ABAT: variants seen among roughly 807,000 people sequenced by gnomAD.
ABAT encodes the protein 4-aminobutyrate aminotransferase, also known as 4-aminobutyrate aminotransferase, mitochondrial.
Under a neutral mutation model 64.6 loss-of-function variants are expected in ABAT, and 45 were observed. The observed-to-expected ratio is 0.70, with a 90% CI of 0.55 to 0.89. The LOEUF (loss-of-function observed/expected upper bound fraction) is 0.89, where lower values mean the gene tolerates loss of function less well. Among genes scored for constraint, ABAT ranks in the 40% least tolerant of loss-of-function variants. ABAT has a pLI of 0.00. For synonymous variants in ABAT, 297 were observed against 250.5 expected, an observed-to-expected ratio of 1.19 and a Z score of -1.75; for missense variants, 633 against 658.4, an observed-to-expected ratio of 0.96 and a Z score of 0.42.
At chr16:8,757,105 G>C in intron 5 of ABAT, 2 of 453,320 alleles carry the variant, frequency 4.4e-6, no homozygotes, top group Non-Finnish European at 8.9e-6. Context: ...TCCAGCACTA[G>C]GGCCTGTTGA....
At chr16:8,710,690 G>GAC (rs2058046797) in intron 1 of ABAT, among the ~76,000 whole-genome samples, 2 of 90,902 alleles carry the variant, frequency 2.2e-5, no homozygotes, top group Non-Finnish European at 4.7e-5. Context: ...CACTGAGAGA[G>GAC]AGACAGAGAG....
Position 8,772,784 on chromosome 16 carries a change from A to C in ABAT, c.821A>C (p.Glu274Ala). Residue 274 changes from glutamate (E) to alanine (A), a missense_variant, in exon 12 of 16, where the codon GAG (glutamate) becomes GCG (alanine). Physicochemically the swap from Glu to Ala is moderately radical, Grantham distance 107 (BLOSUM62 -1). Transcript: ENST00000268251. ...QEEARCLEEV[E>A]DLIVKYRKKK... The stretch of plus-strand genomic sequence containing the variant: ...ACTTTCCCCTTTGGGATCCAGGTGG[A>C]GGATCTGATTGTGAAATATCGGAAA... The C allele has an allele frequency of 6.2e-7, 1 of 1,614,096 alleles. No individual in the cohort carries two copies. Among genetic ancestry groups the C allele is most frequent in the Non-Finnish European group, 8.5e-7 (1 of 1,180,024 alleles).
rs71301327 is a variant in ABAT at position 8,750,943 on chromosome 16, C to CTTTTTTTTT, written c.316+418_316+426dup. Among the ~76,000 whole-genome samples the CTTTTTTTTT allele has an allele frequency of 2.7e-5, 3 of 109,742 alleles. 1 individual carries two copies. In the Admixed American group the frequency reaches 3.1e-4, roughly 11 times the overall value. 72.0% of individuals were successfully genotyped at this position (109,742 alleles called of 152,430 possible). ...GAGGTGGGGATTTCCTTTTTCCCTG[C>CTTTTTTTTT]TTTTTTTTTTTTTTTTTTTTTTCCA... On this transcript the variant is annotated intron_variant, in intron 5 of 15. Coordinates refer to ENST00000268251, the MANE Select transcript of ABAT (RefSeq NM_020686.6).
In ABAT at chr16:8,766,258, C is replaced by T. The variant is rs2142947151; in HGVS notation, c.591C>T (p.Cys197=). The T allele has an allele frequency of 4.3e-6, 7 of 1,614,040 alleles. No homozygotes were observed. The highest frequency in any genetic ancestry group is 5.9e-6 in the Non-Finnish European group (7 of 1,179,930). The part of the protein sequence containing the change: ...RGFSQEELET[C]MINQAPGCPD... ...TCTCCCAGGAGGAGCTGGAGACGTG[C>T]ATGATTAACCAGGTGAGTGCAGCTG... The change falls in exon 9 of 16, where the codon TGC becomes TGT. Residue 197 remains cysteine (C), a synonymous_variant. Coordinates refer to ENST00000268251, the MANE Select transcript of ABAT (RefSeq NM_020686.6).
intron 3 of ABAT, among the ~76,000 whole-genome samples, chr16:8,747,878 G>T (rs573973830): frequency 2.6e-5 from 4 of 151,724 alleles, no homozygotes; most frequent in Admixed American, 6.6e-5. Flanking sequence ...TATCTTTCAG[G>T]TGGCTGAATT....
intron 4 of ABAT, among the ~76,000 whole-genome samples, chr16:8,749,859 G>A (rs1444359688): frequency 7.2e-5 from 11 of 152,004 alleles, no homozygotes; most frequent in African/African-American, 9.7e-5. Flanking sequence ...GATCACAGGC[G>A]TGCACCACCA....
intron 14 of ABAT, among the ~76,000 whole-genome samples, chr16:8,777,621 A>G (rs546757590): frequency 6.6e-6 from 1 of 152,294 alleles, no homozygotes; most frequent in Admixed American, 6.5e-5. Context: ...AGGGGTGTCT[A>G]AATGGAAGAG....
At chr16:8,766,904 G>A (rs1437382480) in intron 9 of ABAT, among the ~76,000 whole-genome samples, 1 of 152,006 alleles carries the variant, frequency 6.6e-6, no homozygotes, top group Non-Finnish European at 1.5e-5. Context: ...GACGGGCGCG[G>A]AGGTTGCAGT....
intron 1 of ABAT, among the ~76,000 whole-genome samples, chr16:8,692,452 G>A (rs879914668): frequency 7.2e-5 from 11 of 152,330 alleles, no homozygotes; most frequent in Non-Finnish European, 1.2e-4. Flanking sequence ...ACATGGCTAA[G>A]AAGGAGGCAG....
At chr16:8,732,196 GTTTTT>G (rs746087281) in intron 1 of ABAT, among the ~76,000 whole-genome samples, 1 of 18,718 alleles carries the variant, frequency 5.3e-5, no homozygotes, top group Non-Finnish European at 1.7e-4. Context: ...GGTTTTTTTT[GTTTTT>G]TTTTTTTGTT....
chr16:8,679,971 T>C (rs1418260044), intron 1 of ABAT, among the ~76,000 whole-genome samples: 3 of 152,038 alleles, frequency 2.0e-5, no homozygotes, highest in African/African-American at 4.8e-5. Flanking sequence ...GATGGCATCA[T>C]GTGGCCTCTA....
intron 1 of ABAT, among the ~76,000 whole-genome samples, chr16:8,693,132 G>A (rs991323807): frequency 2.0e-5 from 3 of 152,260 alleles, no homozygotes; most frequent in Non-Finnish European, 4.4e-5. Context: ...TGGGATTACA[G>A]GCTTGAGCCA....
chr16:8,724,731 GAAAAAAAAAAAAAACA>G (rs2058485282), intron 1 of ABAT, among the ~76,000 whole-genome samples: 51 of 73,202 alleles, frequency 7.0e-4, no homozygotes, highest in Admixed American at 1.4e-3. Flanking sequence ...CTTGTCTCAG[GAAAAAAAAAAAAAACA>G]AAAAAAAAAA....
chr16:8,728,068 C>CAGAGAGAGAG (rs112812315), intron 1 of ABAT, among the ~76,000 whole-genome samples: 1 of 150,476 alleles, frequency 6.6e-6, no homozygotes, highest in Non-Finnish European at 1.5e-5. Context: ...GAGACCCTGT[C>CAGAGAGAGAG]AGAGAGAGAG....
At position 8,781,293 on chromosome 16, in the gene ABAT, C is replaced by G; in HGVS notation, c.1382-16C>G. 1 of 1,613,992 alleles carries G rather than the reference C, an allele frequency of 6.2e-7. No individual in the cohort carries two copies. The highest frequency in any genetic ancestry group is 8.5e-7 in the Non-Finnish European group (1 of 1,179,954). On this transcript the variant is annotated splice_polypyrimidine_tract_variant and intron_variant, in intron 15 of 15. Transcript: ENST00000268251. The surrounding 1 kb of genome is among the most constrained non-coding windows in gnomAD (Gnocchi z 4.5). ...TTGAGAAACCACGCTCCTCACCTACCTCCTGCCTCTTTCAGGTGTGGTGTT... is the reference window on the plus strand; with the variant it reads ...TTGAGAAACCACGCTCCTCACCTACGTCCTGCCTCTTTCAGGTGTGGTGTT...
intron 1 of ABAT, among the ~76,000 whole-genome samples, chr16:8,725,345 A>AC (rs1277469553): frequency 1.3e-5 from 2 of 151,292 alleles, no homozygotes; most frequent in African/African-American, 2.4e-5. Flanking sequence ...CACCCCGGAG[A>AC]CCCCCGTACC....
intron 3 of ABAT, among the ~76,000 whole-genome samples, chr16:8,747,655 T>A (rs1022484776): frequency 6.6e-6 from 1 of 152,216 alleles, no homozygotes; most frequent in Admixed American, 6.5e-5. Flanking sequence ...TAATTCCCTG[T>A]TTCTGTATAG....
intron 12 of ABAT, 57 bp downstream of exon 12, chr16:8,772,974 C>A: frequency 6.2e-7 from 1 of 1,609,624 alleles, no homozygotes; most frequent in Non-Finnish European, 8.5e-7. Context: ...GTTGAGTTCC[C>A]CGAGTAACGG....
At chr16:8,695,344 G>A (rs372963106) in intron 1 of ABAT, among the ~76,000 whole-genome samples, 2 of 152,198 alleles carry the variant, frequency 1.3e-5, no homozygotes, top group Non-Finnish European at 2.9e-5. Flanking sequence ...AGAGGCCAGC[G>A]CCTTGCTGTA....
Sources: allele counts gnomAD v4.1 joint callset (sites outside exome capture counted in the v4.1 genomes callset), GRCh38; gene constraint gnomAD v4.1.1; non-coding constraint Gnocchi (gnomAD v3.1); transcripts MANE v1.5; gene names NCBI Gene and HGNC (gene_info 2026-07-23, HGNC 2026-07-21).